CDK14: variants seen among roughly 807,000 people sequenced by gnomAD.
CDK14 encodes the protein cyclin dependent kinase 14.
Under a neutral mutation model 60.7 loss-of-function variants are expected in CDK14, and 34 were observed. The observed-to-expected ratio is 0.56, with a 90% confidence interval of 0.43 to 0.75. The LOEUF is 0.75. Among genes scored for constraint, CDK14 ranks in the 30% least tolerant of loss-of-function variants. The probability of loss-of-function intolerance (pLI) is 0.00; values close to 1 mark genes in which losing one functional copy is unlikely to be tolerated. For synonymous variants in CDK14, 197 were observed against 203.7 expected (o/e 0.97, Z 0.28); for missense variants, 482 against 564.1 (o/e 0.85, Z 1.47).
At chr7:90,645,697 T>G (rs1416891460) in intron 2 of CDK14, among the ~76,000 whole-genome samples, 1 of 152,220 alleles carries the variant, frequency 6.6e-6, no homozygotes, top group Non-Finnish European at 1.5e-5. Flanking sequence ...TTTAGACAGT[T>G]ATAATTTATT....
intron 12 of CDK14, among the ~76,000 whole-genome samples, chr7:91,086,810 T>G (rs1271869286): frequency 6.6e-6 from 1 of 152,240 alleles, no homozygotes; most frequent in African/African-American, 2.4e-5. Context: ...TGTGATACCT[T>G]TCCTCAAATT....
At chr7:90,764,335 A>G (rs1385191203) in intron 4 of CDK14, among the ~76,000 whole-genome samples, 2 of 152,202 alleles carry the variant, frequency 1.3e-5, no homozygotes, top group African/African-American at 4.8e-5. Flanking sequence ...GAGTAATTCA[A>G]GATAGCTGAA....
intron 5 of CDK14, among the ~76,000 whole-genome samples, chr7:90,816,355 C>G (rs1475769310): frequency 6.6e-6 from 1 of 152,134 alleles, no homozygotes; most frequent in Non-Finnish European, 1.5e-5. Context: ...TGAAAGTTTT[C>G]TAATGAAAAC....
intron 5 of CDK14, among the ~76,000 whole-genome samples, chr7:90,841,659 T>TACACACAC (rs57434660): frequency 0.13 from 17,903 of 139,218 alleles, 1,332 homozygotes; most frequent in East Asian, 0.26. Flanking sequence ...TATATATATG[T>TACACACAC]ACACACACAC....
At chr7:91,056,094 T>C (rs1379095988) in intron 11 of CDK14, among the ~76,000 whole-genome samples, 1 of 152,192 alleles carries the variant, frequency 6.6e-6, no homozygotes, top group Non-Finnish European at 1.5e-5. Flanking sequence ...GGAAGGGAGA[T>C]GAGGGGATTG....
Position 90,966,864 on chromosome 7 carries a change from G to T in CDK14, c.947+11047G>T, listed in dbSNP as rs115216066. Among the ~76,000 whole-genome samples, 1,189 of 152,092 alleles carry T rather than the reference G, an allele frequency of 7.8e-3. 20 individuals carry two copies. Among genetic ancestry groups the T allele is most frequent in the African/African-American group, 0.028 (1,148 of 41,480 alleles). ...CTTGAAGCTGTAACTCACTGCCTGT[G>T]GTCTGCCTAGATTGTCATGTCTTCA... On this transcript the variant is annotated intron_variant, in intron 9 of 14. Transcript: ENST00000380050.
chr7:91,158,264 G>T (rs1562975124), intron 14 of CDK14, among the ~76,000 whole-genome samples: 1 of 151,728 alleles, frequency 6.6e-6, no homozygotes, highest in African/African-American at 2.4e-5. Context: ...CTAGGCTGGA[G>T]TGCAGTGGTG....
intron 6 of CDK14, among the ~76,000 whole-genome samples, chr7:90,893,185 A>G (rs866209154): frequency 2.0e-5 from 3 of 152,206 alleles, no homozygotes; most frequent in South Asian, 4.1e-4. Context: ...CATGGAAGGC[A>G]TTCAGGTGTA....
intron 5 of CDK14, among the ~76,000 whole-genome samples, chr7:90,799,055 C>A (rs3824038): frequency 0.44 from 66,149 of 151,940 alleles, 15,191 homozygotes; most frequent in East Asian, 0.82. Context: ...TTCTAGACTT[C>A]CACGTTTTTT....
chr7:91,025,022 AGG>A (rs1796534568), intron 10 of CDK14, among the ~76,000 whole-genome samples: 1 of 152,214 alleles, frequency 6.6e-6, no homozygotes, highest in Admixed American at 6.5e-5. Flanking sequence ...TTAGGAATCA[AGG>A]ATATAAGTCT....
At chr7:91,104,973 T>A (rs898273154) in intron 12 of CDK14, among the ~76,000 whole-genome samples, 27 of 152,188 alleles carry the variant, frequency 1.8e-4, no homozygotes, top group African/African-American at 6.5e-4. Context: ...TTATAGTAAC[T>A]AATTAGATTA....
intron 4 of CDK14, among the ~76,000 whole-genome samples, chr7:90,754,909 G>T (rs556355300): frequency 6.6e-6 from 1 of 151,936 alleles, no homozygotes; most frequent in Admixed American, 6.6e-5. Context: ...AATCAAAACC[G>T]TAATGAGATA....
rs764480860 is a variant in CDK14, at chr7:91,070,263, CTGCTGCTGGTGG to C, written c.1106-9166_1106-9155del. Among the ~76,000 whole-genome samples, 39 of 112,858 alleles carry C rather than the reference CTGCTGCTGGTGG, an allele frequency of 3.5e-4. No homozygotes were observed. The Middle Eastern group carries it at 0.017, about 49-fold the overall frequency. The allele number at this position is 112,858 out of a possible 152,430, so 74.0% of individuals were successfully genotyped here. ...TATTTTGTTGTTGCTGCTGCTGCTG[CTGCTGCTGGTGG>C]TGGTGGTGGTGGTGGTGGTAGTGAT... On this transcript the variant is annotated intron_variant, in intron 11 of 14. Transcript: ENST00000380050.
chr7:90,817,632 A>T (rs530961967), intron 5 of CDK14, among the ~76,000 whole-genome samples: 4 of 152,228 alleles, frequency 2.6e-5, no homozygotes, highest in Non-Finnish European at 5.9e-5. Flanking sequence ...TTCTGTGATG[A>T]ACAGCAGATT....
intron 4 of CDK14, among the ~76,000 whole-genome samples, chr7:90,784,445 A>G (rs1027424188): frequency 6.6e-6 from 1 of 152,182 alleles, no homozygotes; most frequent in Non-Finnish European, 1.5e-5. Flanking sequence ...GAAATGATAA[A>G]TGGTTGAGGT....
intron 10 of CDK14, among the ~76,000 whole-genome samples, chr7:91,039,537 C>A (rs1797030180): frequency 6.6e-6 from 1 of 152,138 alleles, no homozygotes; most frequent in Non-Finnish European, 1.5e-5. Context: ...ACTGCTGTTA[C>A]TAGTTTATTT....
chr7:90,876,093 C>G (rs1791550206), intron 6 of CDK14, among the ~76,000 whole-genome samples: 1 of 152,120 alleles, frequency 6.6e-6, no homozygotes, highest in Non-Finnish European at 1.5e-5. Context: ...ATAGCTGGTA[C>G]AGAAGCAATA....
At chr7:90,690,734 A>G (rs1801536187) in intron 2 of CDK14, among the ~76,000 whole-genome samples, 1 of 56,524 alleles carries the variant, frequency 1.8e-5, no homozygotes, top group African/African-American at 6.2e-5. Context: ...CGCAACATAC[A>G]TTAATTTAAA....
At chr7:91,112,839 G>GTT (rs1355577981) in intron 13 of CDK14, among the ~76,000 whole-genome samples, 158 bp downstream of exon 13, 1 of 149,420 alleles carries the variant, frequency 6.7e-6, no homozygotes, top group Non-Finnish European at 1.5e-5. Flanking sequence ...GTGTGTGTGT[G>GTT]TGTGTGTATG....
Sources: allele counts gnomAD v4.1 joint callset (sites outside exome capture counted in the v4.1 genomes callset), GRCh38; gene constraint gnomAD v4.1.1; transcripts MANE v1.5; gene names NCBI Gene and HGNC (gene_info 2026-07-23, HGNC 2026-07-21).